Variants in NECAB3 observed in about 807,000 individuals in gnomAD.
NECAB3 encodes the protein N-terminal EF-hand calcium binding protein 3.
Under a neutral mutation model 57.2 loss-of-function variants are expected in NECAB3, and 38 were observed. That is an observed-to-expected ratio of 0.66 (90% CI 0.51 to 0.87). The LOEUF is 0.87. Among genes scored for constraint, NECAB3 ranks in the 40% least tolerant of loss-of-function variants. NECAB3 has a pLI of 0.00. For missense variants in NECAB3, 474 were observed against 527.5 expected (o/e 0.90, Z 0.99); for synonymous variants, 223 against 222.6 (o/e 1.00, Z -0.02).
At chr20:33,667,524 C>A in intron 5 of NECAB3, 1 of 1,534,488 alleles carries the variant, frequency 6.5e-7, no homozygotes, top group Non-Finnish European at 8.8e-7. Flanking sequence ...TGCTGGCGCT[C>A]TGCTCCACCG....
At chr20:33,658,612 C>A in intron 9 of NECAB3, 58 bp from the exon 10 acceptor site, 2 of 1,605,764 alleles carry the variant, frequency 1.2e-6, no homozygotes, top group Non-Finnish European at 8.5e-7. Context: ...TCTGCCTCCC[C>A]GGCCTGGGGC....
rs1430841832 is a variant in NECAB3 at position 33,658,524 on chromosome 20, G to A, written c.1023C>T (p.Ala341=). The A allele has an allele frequency of 6.2e-7, 1 of 1,614,082 alleles. No individual in the cohort carries two copies. Among genetic ancestry groups the A allele is most frequent in the South Asian group, 1.1e-5 (1 of 91,080 alleles). ...HVSAQKMLDG[A]SFTLYEFWQD... ...GCCAGAACTCATACAGGGTGAAGGA[G>A]GCACCGTCCAGCATCTTCTGGGCGG... is the stretch of plus-strand genomic sequence containing the variant. The change falls in exon 10 of 12, where the codon GCC becomes GCT. Residue 341 remains alanine (A), a synonymous_variant. Transcript: ENST00000246190.
chr20:33,667,714 C>T (rs1162509027), intron 5 of NECAB3: 3 of 1,612,084 alleles, frequency 1.9e-6, no homozygotes, highest in South Asian at 1.1e-5. Flanking sequence ...GCAGGCCCTG[C>T]CCCGCAAGGC....
Position 33,659,528 on chromosome 20 carries a change from C to T in NECAB3, c.848G>A (p.Arg283His), listed in dbSNP as rs761644646. The T allele has an allele frequency of 2.6e-6, 4 of 1,529,990 alleles. No homozygotes were observed. The highest frequency in any genetic ancestry group is 4.1e-5 in the Admixed American group (2 of 48,532). The allele number at this position is 1,529,990 out of a possible 1,614,324, so 94.8% of individuals were successfully genotyped here. Residue 283 changes from arginine to histidine, a missense_variant, in exon 8 of 12, where the codon CGT becomes CAT. Physicochemically the swap from Arg to His is conservative, Grantham distance 29 (BLOSUM62 0). Coordinates refer to ENST00000246190, the MANE Select transcript of NECAB3 (RefSeq NM_031232.4). ...AGGCCCCTTGGCCAGGTCCTCTTCA[C>T]GCAGGGGTTCCAGCCGGGGGGCCTG... The part of the protein sequence containing the change: ...PSQAPRLEPL[R>H]EEDLAKGPDL...
At chr20:33,661,860 A>G (rs1038471506) in intron 5 of NECAB3, among the ~76,000 whole-genome samples, 9 of 152,220 alleles carry the variant, frequency 5.9e-5, no homozygotes. Flanking sequence ...TATGTTGCCC[A>G]GGCTGGACTC....
In NECAB3 at chr20:33,673,557, G is replaced by A. The variant is rs1036113305; in HGVS notation, c.129+667C>T. ...CCCTCAGGCCTTGGTTTTCCTACTTGGGAAGAAGGAGGGTCAGGTCCCTTC... is the reference window on the plus strand; with the variant it reads ...CCCTCAGGCCTTGGTTTTCCTACTTAGGAAGAAGGAGGGTCAGGTCCCTTC... On this transcript the variant is annotated intron_variant, in intron 1 of 11. Transcript: ENST00000246190. Among the ~76,000 whole-genome samples, 4 of 152,290 alleles carry A rather than the reference G, an allele frequency of 2.6e-5. 1 individual carries two copies. Among genetic ancestry groups the A allele is most frequent in the Admixed American group, 2.6e-4 (4 of 15,296 alleles).
At chr20:33,665,153 T>C (rs1354135064) in intron 5 of NECAB3, 5 of 152,240 alleles carry the variant, frequency 3.3e-5, no homozygotes, top group African/African-American at 9.7e-5. Context: ...TACTTGAACA[T>C]GCACAGGCTA....
chr20:33,662,477 G>T (rs2122476344), intron 5 of NECAB3: 1 of 1,551,366 alleles, frequency 6.4e-7, no homozygotes, highest in Non-Finnish European at 8.7e-7. Context: ...CGGCTGTGAG[G>T]GCGGGGGATG....
intron 8 of NECAB3, 40 bp from the exon 9 acceptor site, chr20:33,658,874 G>C: frequency 6.8e-7 from 1 of 1,473,256 alleles, no homozygotes; most frequent in South Asian, 1.1e-5. Flanking sequence ...GCGGGGCCGG[G>C]CACAGGGGAG....
In NECAB3 at chr20:33,663,522, C is replaced by A. The variant is rs568762996; in HGVS notation, c.388-3127G>T. Reference sequence around the variant, plus strand: ...CGCTCTCCCGCCTCACGCCCCTGTTCCACCCCCAGACCAGGATCGTGCTGA... The same window carrying A: ...CGCTCTCCCGCCTCACGCCCCTGTTACACCCCCAGACCAGGATCGTGCTGA... On this transcript the variant is annotated intron_variant, in intron 5 of 11. Transcript: ENST00000246190. 3.1e-6 allele frequency: 5 copies of A among 1,607,014 alleles called. No individual in the cohort carries two copies. In the African/African-American group the frequency reaches 4.0e-5, roughly 13 times the overall value.
chr20:33,661,080 T>TC (rs1297244051), intron 5 of NECAB3, among the ~76,000 whole-genome samples: 3 of 152,180 alleles, frequency 2.0e-5, no homozygotes, highest in African/African-American at 7.2e-5. Context: ...AGCTTCCATT[T>TC]CCTCATCTAT....
At chr20:33,667,681 G>A (rs555819819) in intron 5 of NECAB3, 4 of 1,611,880 alleles carry the variant, frequency 2.5e-6, no homozygotes, top group South Asian at 1.1e-5. Context: ...TCTGCTGGTG[G>A]CGGCGAACCC....
In NECAB3 at chr20:33,669,446, A is replaced by G. The variant is rs369331727; in HGVS notation, c.316T>C (p.Tyr106His). ...TCCAATGCAGCCAGCACCGGCCGGT[A>G]GACACCCAGGTGCTCTGAGAAGTAG... Reference protein sequence around the residue: ...CDYFSEHLGVYRPVLAALESL... With the variant: ...CDYFSEHLGVHRPVLAALESL... Residue 106 changes from tyrosine (Y) to histidine (H), a missense_variant, in exon 5 of 12, where the codon TAC (tyrosine) becomes CAC (histidine). Physicochemically the swap from Tyr to His is moderately conservative, Grantham distance 83 (BLOSUM62 2). Transcript: ENST00000246190. 8.7e-6 allele frequency: 14 copies of G among 1,613,654 alleles called. No individual in the cohort carries two copies. The South Asian group carries it at 1.1e-4, about 13-fold the overall frequency.
Position 33,659,976 on chromosome 20 carries a change from C to CTG in NECAB3, c.550_551dup (p.Gln184HisfsTer16). ...CCCGCCGGCTGCCGCAGAGCCTGCT[C>CTG]TGCGCCTCCACGCTCTCTGCATCTG... On this transcript the variant is annotated frameshift_variant, in exon 7 of 12. Coordinates refer to ENST00000246190, the MANE Select transcript of NECAB3 (RefSeq NM_031232.4). LOFTEE classifies it high-confidence loss of function. 1 of 1,567,312 alleles carries CTG rather than the reference C, an allele frequency of 6.4e-7. No individual in the cohort carries two copies.
intron 2 of NECAB3, 75 bp from the exon 3 acceptor site, chr20:33,670,867 G>C: frequency 9.5e-7 from 1 of 1,047,868 alleles, no homozygotes; most frequent in Non-Finnish European, 1.4e-6. Context: ...ACCAGGTCCA[G>C]GGTCCCAAAG....
intron 5 of NECAB3, chr20:33,667,875 C>T (rs1601169646): frequency 6.3e-7 from 1 of 1,597,914 alleles, no homozygotes; most frequent in East Asian, 2.3e-5. Context: ...GCCCCGAACC[C>T]ATCTTCCAGC....
intron 5 of NECAB3, chr20:33,662,184 G>A (rs2017497338): frequency 3.3e-6 from 3 of 901,520 alleles, no homozygotes; most frequent in South Asian, 1.8e-5. Context: ...ACCAAGGCTA[G>A]AAGTGACTGA....
Position 33,663,838 on chromosome 20 carries a change from C to T in NECAB3, c.388-3443G>A, listed in dbSNP as rs2017573491. On this transcript the variant is annotated intron_variant, in intron 5 of 11. Transcript: ENST00000246190. ...CCCCGCCGAGGAGCAGCCGCGCAAA[C>T]GGTGCCGCTGCCCTCGCCCGCAGCT... 11 of 1,412,234 alleles carry T rather than the reference C, an allele frequency of 7.8e-6. No individual in the cohort carries two copies. In the East Asian group the frequency reaches 2.0e-4, roughly 26 times the overall value. The allele number at this position is 1,412,234 out of a possible 1,614,324, so 87.5% of individuals were successfully genotyped here.
intron 5 of NECAB3, chr20:33,664,176 G>A (rs1039991564): frequency 8.5e-6 from 3 of 353,980 alleles, no homozygotes; most frequent in Non-Finnish European, 1.5e-5. Flanking sequence ...AGGCTCAAGG[G>A]AGGTGGGCTT....
Sources: gnomAD v4.1 joint callset for allele counts (sites outside exome capture counted in the v4.1 genomes callset) on GRCh38, gnomAD v4.1.1 for gene constraint, MANE v1.5 for transcripts, NCBI Gene and HGNC (gene_info 2026-07-23, HGNC 2026-07-21) for gene names.